The following SGCZ variants were observed in gnomAD, a reference collection of about 807,000 sequenced individuals.
SGCZ encodes the protein zeta-sarcoglycan.
In SGCZ, 40 loss-of-function variants were observed where a neutral mutation model predicts 41.3. That is an observed-to-expected ratio of 0.97 (90% CI 0.75 to 1.26). The LOEUF is 1.26. Ranked by LOEUF, SGCZ falls within the 50% of genes most tolerant of loss-of-function variation. The probability of loss-of-function intolerance (pLI) is 0.00; values close to 1 mark genes in which losing one functional copy is unlikely to be tolerated. For synonymous variants in SGCZ, 206 were observed against 137.5 expected (o/e 1.50, Z -3.49); for missense variants, 552 against 369.8 (o/e 1.49, Z -4.04).
At chr8:14,647,426 A>AT (rs1807258031) in intron 1 of SGCZ, among the ~76,000 whole-genome samples, 1 of 152,048 alleles carries the variant, frequency 6.6e-6, no homozygotes, top group South Asian at 2.1e-4. Context: ...TCACTGATCT[A>AT]TTTAGAGACC....
chr8:14,922,865 A>G (rs1162634057), intron 1 of SGCZ, among the ~76,000 whole-genome samples: 1 of 152,222 alleles, frequency 6.6e-6, no homozygotes, highest in Non-Finnish European at 1.5e-5. Context: ...AAATCAAGGA[A>G]CATTTCTTAG....
chr8:14,101,499 T>C (rs1585134227), intron 7 of SGCZ, among the ~76,000 whole-genome samples: 2 of 152,082 alleles, frequency 1.3e-5, no homozygotes, highest in African/African-American at 4.8e-5. Flanking sequence ...AGTGGAAAAA[T>C]AGAACATCAA....
At chr8:14,122,755 A>C (rs117284586) in intron 5 of SGCZ, among the ~76,000 whole-genome samples, 1 of 152,092 alleles carries the variant, frequency 6.6e-6, no homozygotes, top group South Asian at 2.1e-4. Context: ...TGTTTTTAGG[A>C]ATTCTTCTTT....
At chr8:14,108,502 A>G (rs563569665) in intron 5 of SGCZ, among the ~76,000 whole-genome samples, 4 of 152,284 alleles carry the variant, frequency 2.6e-5, no homozygotes, top group Admixed American at 6.5e-5. Context: ...CGCGGTGGCA[A>G]GAGAAAAATG....
chr8:15,123,193 T>C (rs1476880916), intron 1 of SGCZ, among the ~76,000 whole-genome samples: 1 of 152,192 alleles, frequency 6.6e-6, no homozygotes, highest in African/African-American at 2.4e-5. Flanking sequence ...TAGCTTTATG[T>C]AGCATCCTAA....
At chr8:14,192,539 C>T (rs1240072630) in intron 4 of SGCZ, among the ~76,000 whole-genome samples, 1 of 151,852 alleles carries the variant, frequency 6.6e-6, no homozygotes, top group Non-Finnish European at 1.5e-5. Context: ...GAATACATTG[C>T]ATATGATATT....
Position 14,300,525 on chromosome 8 carries a change from T to C in SGCZ, c.336+23578A>G, listed in dbSNP as rs114555487. On this transcript the variant is annotated intron_variant, in intron 3 of 7. Transcript: ENST00000382080. ...ACATTACTAAAGCCATCTACTTTTT[T>C]ATTTTGTTGCCTAAAAATTTTTTAA... is the stretch of plus-strand genomic sequence containing the variant. Among the ~76,000 whole-genome samples the C allele has an allele frequency of 7.1e-3, 1,076 of 152,188 alleles. 13 individuals are homozygous for C. Among genetic ancestry groups the C allele is most frequent in the African/African-American group, 0.024 (1,017 of 41,568 alleles).
rs999624759 is a variant in SGCZ at position 14,087,848 on chromosome 8, C to CT, written c.*2594dup. Among the ~76,000 whole-genome samples, 6 of 151,634 alleles carry CT rather than the reference C, an allele frequency of 4.0e-5. No homozygotes were observed. Among genetic ancestry groups the CT allele is most frequent in the African/African-American group, 1.5e-4 (6 of 41,352 alleles). ...GCTTAGATTCAGAAATCTGAAACAG[C>CT]TAGTCAGATAACTTAAAGCAATTAT... On this transcript the variant is annotated 3_prime_UTR_variant, in exon 8 of 8. Coordinates refer to ENST00000382080, the MANE Select transcript of SGCZ (RefSeq NM_139167.4).
chr8:15,044,545 G>T (rs181341933), intron 1 of SGCZ, among the ~76,000 whole-genome samples: 388 of 152,204 alleles, frequency 2.5e-3, no homozygotes, highest in Non-Finnish European at 4.1e-3. Context: ...ATACTTCAAA[G>T]ATTTCTGAAA....
At chr8:14,167,023 C>T (rs1442604353) in intron 4 of SGCZ, among the ~76,000 whole-genome samples, 1 of 152,012 alleles carries the variant, frequency 6.6e-6, no homozygotes, top group African/African-American at 2.4e-5. Flanking sequence ...GGCAAAATTA[C>T]AAGCAATTAG....
intron 5 of SGCZ, among the ~76,000 whole-genome samples, chr8:14,113,272 C>A (rs1464783560): frequency 6.6e-6 from 1 of 152,102 alleles, no homozygotes; most frequent in Non-Finnish European, 1.5e-5. Context: ...TATAAAATAT[C>A]TTTACTAATT....
intron 1 of SGCZ, among the ~76,000 whole-genome samples, chr8:14,617,709 G>C (rs545492005): frequency 3.3e-5 from 5 of 152,236 alleles, no homozygotes; most frequent in African/African-American, 1.2e-4. Context: ...TATTTAGCTA[G>C]ACTGAAATGC....
intron 3 of SGCZ, among the ~76,000 whole-genome samples, chr8:14,317,275 G>T (rs745353335): frequency 6.6e-6 from 1 of 152,006 alleles, no homozygotes; most frequent in East Asian, 1.9e-4. Context: ...CTATAACAGT[G>T]TAGTCATTAA....
At chr8:14,631,601 G>A (rs951169491) in intron 1 of SGCZ, among the ~76,000 whole-genome samples, 2 of 152,096 alleles carry the variant, frequency 1.3e-5, no homozygotes, top group Non-Finnish European at 2.9e-5. Flanking sequence ...AGACACTTCT[G>A]ATATCTAATA....
At position 14,125,104 on chromosome 8, in the gene SGCZ, T is replaced by A. The variant is rs145181274; in HGVS notation, c.548-16869A>T. ...CTAACAGGGGATGCGAAGGACTTCTTCAAGGAGAACTACAAACCACTGATA... is the reference window on the plus strand; with the variant it reads ...CTAACAGGGGATGCGAAGGACTTCTACAAGGAGAACTACAAACCACTGATA... On this transcript the variant is annotated intron_variant, in intron 5 of 7. Coordinates refer to ENST00000382080, the MANE Select transcript of SGCZ (RefSeq NM_139167.4). Among the ~76,000 whole-genome samples the A allele has an allele frequency of 6.2e-3, 949 of 152,244 alleles. 7 individuals carry two copies. The highest frequency in any genetic ancestry group is 0.022 in the African/African-American group (903 of 41,542).
At chr8:15,033,413 G>C (rs1264266371) in intron 1 of SGCZ, among the ~76,000 whole-genome samples, 1 of 151,978 alleles carries the variant, frequency 6.6e-6, no homozygotes, top group Non-Finnish European at 1.5e-5. Flanking sequence ...ACTAGTCCCA[G>C]GCTCCATGCC....
intron 1 of SGCZ, among the ~76,000 whole-genome samples, chr8:14,903,735 A>G (rs963628432): frequency 1.3e-5 from 2 of 152,176 alleles, no homozygotes; most frequent in South Asian, 2.1e-4. Context: ...GTATAGGGAC[A>G]GTCAGAGTAC....
At chr8:15,140,191 ATTTTTTACTTT>A (rs1363469366) in intron 1 of SGCZ, among the ~76,000 whole-genome samples, 1 of 151,806 alleles carries the variant, frequency 6.6e-6, no homozygotes, top group East Asian at 2.0e-4. Context: ...TGGTTGGCTA[ATTTTTTACTTT>A]TTTGTAGACA....
intron 1 of SGCZ, among the ~76,000 whole-genome samples, chr8:15,190,233 CT>C (rs1381644994): frequency 6.6e-6 from 1 of 152,108 alleles, no homozygotes; most frequent in Non-Finnish European, 1.5e-5. Flanking sequence ...CTTGTTATAC[CT>C]TTAAGTAACC....
Sources: allele counts gnomAD v4.1 joint callset (sites outside exome capture counted in the v4.1 genomes callset), GRCh38; gene constraint gnomAD v4.1.1; transcripts MANE v1.5; gene names NCBI Gene and HGNC (gene_info 2026-07-23, HGNC 2026-07-21).